CPNE8: variants seen among roughly 807,000 people sequenced by gnomAD.
CPNE8 encodes copine 8.
A neutral mutation model predicts 81.5 loss-of-function variants in CPNE8; 45 were observed. The observed-to-expected ratio is 0.55, with a 90% CI of 0.44 to 0.71. The LOEUF (loss-of-function observed/expected upper bound fraction) is 0.71. CPNE8 is among the 30% of genes least tolerant of loss of function. The pLI is 0.00. For synonymous variants in CPNE8, 252 were observed against 226.3 expected, an observed-to-expected ratio of 1.11 and a Z score of -1.02; for missense variants, 594 against 672.1, an observed-to-expected ratio of 0.88 and a Z score of 1.28.
intron 6 of CPNE8, among the ~76,000 whole-genome samples, chr12:38,811,425 T>C (rs142378194): frequency 6.6e-6 from 1 of 152,288 alleles, no homozygotes; most frequent in East Asian, 1.9e-4. Flanking sequence ...GGGCTTCACA[T>C]ATTACATGGA....
At chr12:38,888,058 A>T (rs1396629247) in intron 1 of CPNE8, among the ~76,000 whole-genome samples, 2 of 152,108 alleles carry the variant, frequency 1.3e-5, no homozygotes, top group Non-Finnish European at 2.9e-5. Context: ...AGAGCTGATG[A>T]CTGTGATGTG....
intron 1 of CPNE8, among the ~76,000 whole-genome samples, chr12:38,876,216 G>C (rs541238385): frequency 2.0e-5 from 3 of 151,996 alleles, no homozygotes; most frequent in Non-Finnish European, 4.4e-5. Flanking sequence ...GGACAGATGA[G>C]TATTCTTTTT....
At chr12:38,703,510 G>T (rs826896) in intron 13 of CPNE8, among the ~76,000 whole-genome samples, 16,025 of 152,084 alleles carry the variant, frequency 0.11, 1,059 homozygotes, top group East Asian at 0.25. Context: ...ATACTGAATG[G>T]GCAAAAACTG....
intron 3 of CPNE8, among the ~76,000 whole-genome samples, chr12:38,849,217 ATGGGACCTAT>A (rs1298906045): frequency 6.6e-6 from 1 of 152,190 alleles, no homozygotes; most frequent in Admixed American, 6.5e-5. Flanking sequence ...GATAGCTAAA[ATGGGACCTAT>A]ACTTCTTGCA....
chr12:38,876,535 A>T (rs542090705), intron 1 of CPNE8, among the ~76,000 whole-genome samples: 3 of 152,172 alleles, frequency 2.0e-5, no homozygotes, highest in African/African-American at 7.2e-5. Context: ...CTTAATCATA[A>T]ACTTTACTTG....
chr12:38,898,516 T>C (rs899632005), intron 1 of CPNE8, among the ~76,000 whole-genome samples: 6 of 152,190 alleles, frequency 3.9e-5, no homozygotes, highest in African/African-American at 1.4e-4. Flanking sequence ...ACAACAACTT[T>C]ACCCTCTGTT....
At chr12:38,775,741 G>A (rs1377682945) in intron 7 of CPNE8, among the ~76,000 whole-genome samples, 1 of 152,124 alleles carries the variant, frequency 6.6e-6, no homozygotes, top group East Asian at 1.9e-4. Flanking sequence ...AGCTGTAGTG[G>A]CAGCTAATCC....
intron 19 of CPNE8, among the ~76,000 whole-genome samples, chr12:38,664,229 T>C (rs933062973): frequency 3.9e-5 from 6 of 152,092 alleles, no homozygotes; most frequent in Admixed American, 2.6e-4. Flanking sequence ...TATCACACTG[T>C]ACCCTATAAA....
At chr12:38,828,017 TA>T (rs964587016) in intron 6 of CPNE8, among the ~76,000 whole-genome samples, 2 of 152,206 alleles carry the variant, frequency 1.3e-5, no homozygotes, top group Non-Finnish European at 2.9e-5. Flanking sequence ...TACCCATTCA[TA>T]AAAATCTCTA....
intron 3 of CPNE8, among the ~76,000 whole-genome samples, chr12:38,854,655 C>T (rs181868917): frequency 1.3e-3 from 205 of 151,956 alleles, no homozygotes; most frequent in Non-Finnish European, 1.3e-3. Context: ...GTTAACAGAA[C>T]GAATTATGAA....
At chr12:38,905,408 A>G (rs1944554147) in intron 1 of CPNE8, 29 bp downstream of exon 1, 10 of 1,548,154 alleles carry the variant, frequency 6.5e-6, no homozygotes, top group Non-Finnish European at 8.7e-6. Context: ...ATGAGAGGGC[A>G]GGAGAGAGGG....
At chr12:38,872,425 T>C (rs1016475971) in intron 3 of CPNE8, among the ~76,000 whole-genome samples, 3 of 152,202 alleles carry the variant, frequency 2.0e-5, no homozygotes, top group South Asian at 4.1e-4. Flanking sequence ...CTGGCAACTA[T>C]AGGCAGATGG....
intron 9 of CPNE8, among the ~76,000 whole-genome samples, chr12:38,761,833 G>C (rs1311333107): frequency 6.6e-6 from 1 of 152,178 alleles, no homozygotes; most frequent in South Asian, 2.1e-4. Context: ...TTGACAATAT[G>C]TCTAAGCATA....
intron 1 of CPNE8, among the ~76,000 whole-genome samples, chr12:38,878,986 A>G (rs1944108032): frequency 6.6e-6 from 1 of 152,222 alleles, no homozygotes; most frequent in Non-Finnish European, 1.5e-5. Context: ...CAGCTACGAC[A>G]ACAACAACAA....
chr12:38,719,584 G>GA (rs34008352), intron 13 of CPNE8, among the ~76,000 whole-genome samples: 5,611 of 124,140 alleles, frequency 0.045, 230 homozygotes, highest in South Asian at 0.18. Context: ...ATTGTCTCAG[G>GA]AAAAAAAAAA....
chr12:38,689,922 T>C (rs551835734), intron 15 of CPNE8, among the ~76,000 whole-genome samples: 1 of 152,208 alleles, frequency 6.6e-6, no homozygotes, highest in African/African-American at 2.4e-5. Context: ...AGTCTTGAAA[T>C]GGTAATATTA....
intron 10 of CPNE8, among the ~76,000 whole-genome samples, chr12:38,745,294 G>A (rs1274162174): frequency 6.6e-6 from 1 of 151,972 alleles, no homozygotes; most frequent in African/African-American, 2.4e-5. Context: ...AACACATCTG[G>A]GATACTTCAA....
intron 5 of CPNE8, among the ~76,000 whole-genome samples, chr12:38,835,738 A>T (rs1385100443): frequency 6.6e-6 from 1 of 152,188 alleles, no homozygotes; most frequent in African/African-American, 2.4e-5. Flanking sequence ...TTCAAATAAA[A>T]TTTTTAAATA....
intron 13 of CPNE8, among the ~76,000 whole-genome samples, chr12:38,712,906 A>G (rs1940296617): frequency 6.6e-6 from 1 of 152,202 alleles, no homozygotes; most frequent in Non-Finnish European, 1.5e-5. Context: ...GGCAATTACT[A>G]CAACAATATG....
Sources: gnomAD v4.1 joint callset for allele counts (sites outside exome capture counted in the v4.1 genomes callset) on GRCh38, gnomAD v4.1.1 for gene constraint, MANE v1.5 for transcripts, NCBI Gene and HGNC (gene_info 2026-07-23, HGNC 2026-07-21) for gene names.